BNC2: variants seen among roughly 807,000 people sequenced by gnomAD.
BNC2 encodes basonuclin zinc finger protein 2, also known as zinc finger protein basonuclin-2.
A neutral mutation model predicts 76.3 loss-of-function variants in BNC2; 20 were observed. The observed-to-expected ratio is 0.26, with a 90% confidence interval of 0.18 to 0.38. BNC2 has a LOEUF of 0.38. BNC2 is among the 10% of genes least tolerant of loss of function. The pLI is 1.00. For synonymous variants in BNC2, 582 were observed against 514.8 expected, an observed-to-expected ratio of 1.13 and a Z score of -1.77; for missense variants, 1,382 against 1,399.8, an observed-to-expected ratio of 0.99 and a Z score of 0.20.
chr9:16,798,844 C>A (rs887509915), intron 1 of BNC2, among the ~76,000 whole-genome samples: 1 of 152,032 alleles, frequency 6.6e-6, no homozygotes, highest in Admixed American at 6.6e-5. Context: ...AACAATCACG[C>A]ACAAGTAATG....
At chr9:16,490,358 G>T (rs1185578866) in intron 5 of BNC2, among the ~76,000 whole-genome samples, 1 of 152,100 alleles carries the variant, frequency 6.6e-6, no homozygotes, top group East Asian at 1.9e-4. Flanking sequence ...CAAGAGAAGA[G>T]CAAGGGAACG....
At chr9:16,564,512 C>T (rs1819114189) in intron 4 of BNC2, among the ~76,000 whole-genome samples, 1 of 152,146 alleles carries the variant, frequency 6.6e-6, no homozygotes, top group Non-Finnish European at 1.5e-5. Context: ...TGCCTCTCCA[C>T]CTGCCCACCT....
intron 5 of BNC2, among the ~76,000 whole-genome samples, chr9:16,489,861 A>G (rs1045168813): frequency 2.0e-5 from 3 of 152,176 alleles, no homozygotes; most frequent in Non-Finnish European, 4.4e-5. Context: ...AGAACTTACT[A>G]CTCAAAACTA....
At chr9:16,443,314 A>G (rs1022090222) in intron 5 of BNC2, among the ~76,000 whole-genome samples, 6 of 152,176 alleles carry the variant, frequency 3.9e-5, no homozygotes, top group African/African-American at 1.4e-4. Context: ...TTTCATGTCT[A>G]GATTGGCACA....
At chr9:16,486,995 C>A (rs1464274328) in intron 5 of BNC2, among the ~76,000 whole-genome samples, 4 of 152,214 alleles carry the variant, frequency 2.6e-5, no homozygotes, top group African/African-American at 9.7e-5. Context: ...AGTTGTGAGC[C>A]ACCATGCTTG....
intron 3 of BNC2, among the ~76,000 whole-genome samples, chr9:16,717,832 A>G (rs575598961): frequency 6.6e-6 from 1 of 152,336 alleles, no homozygotes; most frequent in Admixed American, 6.5e-5. Context: ...TAAAAGATCA[A>G]AAGTACAGGA....
At chr9:16,713,427 C>A (rs1461652873) in intron 3 of BNC2, among the ~76,000 whole-genome samples, 1 of 143,870 alleles carries the variant, frequency 7.0e-6, no homozygotes, top group Non-Finnish European at 1.5e-5. Flanking sequence ...CTGTAGAAAA[C>A]CAGCCTAGGA....
chr9:16,703,239 A>C (rs1343575138), intron 3 of BNC2, among the ~76,000 whole-genome samples: 1 of 152,218 alleles, frequency 6.6e-6, no homozygotes, highest in Non-Finnish European at 1.5e-5. Context: ...CAGATAATCT[A>C]AATGTTAATT....
chr9:16,449,635 T>A (rs1821297611), intron 5 of BNC2, among the ~76,000 whole-genome samples: 1 of 152,188 alleles, frequency 6.6e-6, no homozygotes, highest in Non-Finnish European at 1.5e-5. Flanking sequence ...CTGCATGTCA[T>A]CACTTAAATA....
chr9:16,576,561 T>C (rs1468878070), intron 4 of BNC2, among the ~76,000 whole-genome samples: 2 of 152,214 alleles, frequency 1.3e-5, no homozygotes, highest in East Asian at 1.9e-4. Flanking sequence ...GAACATAGAC[T>C]GGGACAAATA....
At chr9:16,421,333 G>C in intron 6 of BNC2, 2 of 1,204,154 alleles carry the variant, frequency 1.7e-6, no homozygotes, top group South Asian at 2.6e-5. Context: ...ATAAGAGACA[G>C]AGAGAGAGAA....
At chr9:16,488,481 T>C (rs1822210559) in intron 5 of BNC2, among the ~76,000 whole-genome samples, 1 of 152,222 alleles carries the variant, frequency 6.6e-6, no homozygotes, top group Non-Finnish European at 1.5e-5. Flanking sequence ...ATTCACAGTA[T>C]TTCTACATAA....
chr9:16,497,928 G>A (rs1044680656), intron 5 of BNC2, among the ~76,000 whole-genome samples: 1 of 150,764 alleles, frequency 6.6e-6, no homozygotes, highest in African/African-American at 2.4e-5. Context: ...CTGCAAAATC[G>A]TGGAACCAAC....
intron 3 of BNC2, among the ~76,000 whole-genome samples, chr9:16,665,862 C>T (rs76805207): frequency 0.017 from 2,596 of 152,076 alleles, 81 homozygotes; most frequent in African/African-American, 0.058. Context: ...CCTGTTGAAC[C>T]TCTCCTAGTA....
chr9:16,866,091 C>T (rs1015062581), intron 1 of BNC2, among the ~76,000 whole-genome samples: 1 of 152,056 alleles, frequency 6.6e-6, no homozygotes, highest in African/African-American at 2.4e-5. Context: ...TAAAGTAATG[C>T]TCCTAAAAAC....
intron 3 of BNC2, among the ~76,000 whole-genome samples, chr9:16,585,697 A>G (rs1242488311): frequency 1.3e-5 from 2 of 152,228 alleles, no homozygotes; most frequent in Non-Finnish European, 2.9e-5. Flanking sequence ...CAACTCACCC[A>G]CACGCAAATA....
intron 3 of BNC2, among the ~76,000 whole-genome samples, chr9:16,608,102 G>C (rs1820433609): frequency 6.6e-6 from 1 of 152,122 alleles, no homozygotes; most frequent in South Asian, 2.1e-4. Flanking sequence ...AAAAAGAGTA[G>C]AAAGCTTGTG....
chr9:16,534,909 A>G (rs1224558100), intron 5 of BNC2, among the ~76,000 whole-genome samples: 3 of 152,208 alleles, frequency 2.0e-5, no homozygotes, highest in Non-Finnish European at 4.4e-5. Context: ...AACATGTAGC[A>G]GTATCTGTTA....
chr9:16,735,764 A>G (rs978006719), intron 2 of BNC2, among the ~76,000 whole-genome samples: 1 of 151,800 alleles, frequency 6.6e-6, no homozygotes, highest in African/African-American at 2.4e-5. Context: ...CTTGCCTCCC[A>G]AAGTGCTGGG....
Sources: allele counts gnomAD v4.1 joint callset (sites outside exome capture counted in the v4.1 genomes callset), GRCh38; gene constraint gnomAD v4.1.1; transcripts MANE v1.5; gene names NCBI Gene and HGNC (gene_info 2026-07-23, HGNC 2026-07-21).